Variants in ANO1 observed in about 807,000 individuals in gnomAD.
ANO1 encodes anoctamin 1.
ANO1 carries 59 observed loss-of-function variants against 124.0 expected under a neutral mutation model. The ratio of observed to expected loss-of-function variants is 0.48; its 90% CI spans 0.39 to 0.59. The LOEUF (loss-of-function observed/expected upper bound fraction) is 0.59, where lower values mean the gene tolerates loss of function less well. Among genes scored for constraint, ANO1 ranks in the 20% least tolerant of loss-of-function variants. The pLI, the probability that ANO1 is intolerant of heterozygous loss-of-function variation, is 0.00. For missense variants in ANO1, 1,059 were observed against 1,328.0 expected (o/e 0.80, Z 3.15); for synonymous variants, 529 against 532.0 (o/e 0.99, Z 0.08).
chr11:70,164,361 C>T (rs939350155), intron 19 of ANO1, among the ~76,000 whole-genome samples: 6 of 152,174 alleles, frequency 3.9e-5, no homozygotes, highest in Non-Finnish European at 8.8e-5. Context: ...CTAGAGGTTC[C>T]ACTACCTGAA....
intron 2 of ANO1, among the ~76,000 whole-genome samples, chr11:70,095,422 GAAAGA>G (rs201783692): frequency 0.2 from 10,034 of 49,674 alleles, 1,823 homozygotes; most frequent in Middle Eastern, 0.26. Flanking sequence ...AAGAAAGAAA[GAAAGA>G]AAAGAAAAGA....
rs1021543138 is a variant in ANO1 at position 70,185,620 on chromosome 11, G to A, written c.2619G>A (p.Ser873=). The part of the protein sequence containing the change: ...RYKDYREPPW[S]ENKYDISKDF... ...AAGACTACCGAGAGCCGCCGTGGTC[G>A]GAAAACAAGTACGACATCTCCAAGG... is the stretch of plus-strand genomic sequence containing the variant. Residue 873 remains serine (S), a synonymous_variant, in exon 25 of 26, where the codon TCG becomes TCA. Coordinates refer to ENST00000355303, the MANE Select transcript of ANO1 (RefSeq NM_018043.7). The A allele has an allele frequency of 9.9e-6, 16 of 1,613,450 alleles. No individual in the cohort carries two copies. The highest frequency in any genetic ancestry group is 2.7e-5 in the African/African-American group (2 of 74,834).
chr11:70,146,372 A>T (rs1590854242), intron 11 of ANO1, among the ~76,000 whole-genome samples: 1 of 152,020 alleles, frequency 6.6e-6, no homozygotes, highest in African/African-American at 2.4e-5. Context: ...GTGCACGGAT[A>T]CCTCCTCGTG....
intron 15 of ANO1, among the ~76,000 whole-genome samples, chr11:70,156,567 C>A (rs762977674): frequency 6.6e-6 from 1 of 152,184 alleles, no homozygotes; most frequent in African/African-American, 2.4e-5. Context: ...GGGAAAACAT[C>A]TTCCATCTTC....
At chr11:70,104,290 G>T in intron 4 of ANO1, 140 bp downstream of exon 4, 1 of 989,716 alleles carries the variant, frequency 1.0e-6, no homozygotes, top group South Asian at 1.8e-5. Flanking sequence ...GCTGAGCCCA[G>T]AAGAGGCTGT....
rs1208761283 is a variant in ANO1, at chr11:70,176,037, G to A, written c.2351-3967G>A. Among the ~76,000 whole-genome samples the A allele has an allele frequency of 2.0e-5, 3 of 152,022 alleles. No individual in the cohort carries two copies. In the East Asian group the frequency reaches 5.8e-4, roughly 29 times the overall value. On this transcript the variant is annotated intron_variant, in intron 22 of 25. Transcript: ENST00000355303. Reference sequence around the variant, plus strand: ...CCCAAGGTGGCCGTGGTACAGCTTGGTTTTATACATTTTAGGGAGACATGA... The same window carrying A: ...CCCAAGGTGGCCGTGGTACAGCTTGATTTTATACATTTTAGGGAGACATGA...
chr11:69,969,018 G>A, the ANO1 span, among the ~76,000 whole-genome samples: 7 of 152,196 alleles, frequency 4.6e-5, no homozygotes, highest in Non-Finnish European at 1.0e-4. Context: ...TCTCCAGAGA[G>A]GAGCAGTTAG....
chr11:70,106,103 C>G (rs569489314), intron 5 of ANO1, among the ~76,000 whole-genome samples: 7 of 152,088 alleles, frequency 4.6e-5, no homozygotes, highest in African/African-American at 1.7e-4. Flanking sequence ...AGAGCCGCCT[C>G]GTGGTGGGAT....
In ANO1 at chr11:70,062,910, T is replaced by TTTG. The variant is rs548909324; in HGVS notation, c.59-15617_59-15615dup. Among the ~76,000 whole-genome samples the TTTG allele has an allele frequency of 3.9e-5, 6 of 152,126 alleles. No homozygotes were observed. The South Asian group carries it at 6.2e-4, about 16-fold the overall frequency. On this transcript the variant is annotated intron_variant, in intron 1 of 27. Transcript: ENST00000531349. ...CAGAATGTGTCTATTATGTTGTTTT[T>TTTG]TTGTTGTTGTTGTTGTTTGTTGTTG...
At position 70,149,755 on chromosome 11, in the gene ANO1, A is replaced by G. The variant is rs1170477284; in HGVS notation, c.1304A>G (p.Asn435Ser). The change falls in exon 12 of 26, where the codon AAC becomes AGC. Residue 435 changes from asparagine to serine, a missense_variant. This residue lies in a region of ANO1 where 809 missense variants were observed against 1,094.9 expected (regional missense o/e 0.74). Transcript: ENST00000355303. Reference protein sequence around the residue: ...EHWKRKQMRLNYRWDLTGFEE... With the variant: ...EHWKRKQMRLSYRWDLTGFEE... Reference sequence around the variant, plus strand: ...TGGAAGCGGAAACAGATGCGACTCAACTACCGCTGGGACCTCACGGGCTTT... The same window carrying G: ...TGGAAGCGGAAACAGATGCGACTCAGCTACCGCTGGGACCTCACGGGCTTT... 2.5e-6 allele frequency: 4 copies of G among 1,613,804 alleles called. No homozygotes were observed. Among genetic ancestry groups the G allele is most frequent in the South Asian group, 2.2e-5 (2 of 91,030 alleles).
intron 10 of ANO1, 115 bp downstream of exon 10, chr11:70,126,310 A>G (rs1012862579): frequency 3.8e-6 from 5 of 1,329,894 alleles, no homozygotes; most frequent in African/African-American, 1.5e-5. Flanking sequence ...TGTACACATG[A>G]AACCTCACGC....
intron 21 of ANO1, among the ~76,000 whole-genome samples, chr11:70,167,689 G>A (rs1173575572): frequency 1.3e-5 from 2 of 151,290 alleles, no homozygotes; most frequent in Non-Finnish European, 3.0e-5. Context: ...CCCAGGTATG[G>A]TCCCCAGCCA....
chr11:70,161,141 T>C lies in ANO1; in HGVS notation c.1579-20T>C, dbSNP rs754419556. 8 of 1,606,218 alleles carry C rather than the reference T, an allele frequency of 5.0e-6. No individual in the cohort carries two copies. The South Asian group carries it at 8.9e-5, about 18-fold the overall frequency. ...TCCTGGGTGGGCCCCCAACCAAGAG[T>C]GCCCCTTTCCCCCCTGCAGATTGCA... On this transcript the variant is annotated intron_variant, in intron 16 of 25. Transcript: ENST00000355303.
intron 12 of ANO1, among the ~76,000 whole-genome samples, chr11:70,150,249 G>A (rs2135630922): frequency 6.6e-6 from 1 of 152,318 alleles, no homozygotes; most frequent in African/African-American, 2.4e-5. Context: ...GCCTGCAGCT[G>A]GGCGTGGCTG....
chr11:70,039,091 T>C (rs1555004770), intron 1 of ANO1, among the ~76,000 whole-genome samples: 2 of 152,086 alleles, frequency 1.3e-5, no homozygotes, highest in African/African-American at 2.4e-5. Flanking sequence ...GTCTGGAGGA[T>C]CTGGGGGATT....
At chr11:70,056,119 C>A (rs1238110698) in intron 1 of ANO1, 1 of 152,016 alleles carries the variant, frequency 6.6e-6, no homozygotes, top group African/African-American at 2.4e-5. Context: ...GTTCTTTATT[C>A]TCTTCTACCT....
At chr11:70,026,540 A>G (rs1398167832) in intron 1 of ANO1, among the ~76,000 whole-genome samples, 3 of 151,650 alleles carry the variant, frequency 2.0e-5, no homozygotes, top group Admixed American at 6.6e-5. Flanking sequence ...GACAATGATG[A>G]TGATAAAAAT....
At chr11:70,075,373 C>A (rs145169140), upstream of ANO1, 1 of 151,954 alleles carries the variant, frequency 6.6e-6, no homozygotes, top group South Asian at 2.1e-4. Context: ...GTGCTCGCTT[C>A]GGCAGCACGT....
chr11:70,149,342 A>C (rs2047505868), intron 11 of ANO1, among the ~76,000 whole-genome samples: 1 of 152,202 alleles, frequency 6.6e-6, no homozygotes, highest in African/African-American at 2.4e-5. Flanking sequence ...CTCTCTCACC[A>C]AACACTGATA....
Sources: allele counts gnomAD v4.1 joint callset (sites outside exome capture counted in the v4.1 genomes callset), GRCh38; gene constraint gnomAD v4.1.1; regional missense constraint gnomAD v4.1.1; transcripts MANE v1.5; gene names NCBI Gene and HGNC (gene_info 2026-07-23, HGNC 2026-07-21).